Variants in SEPTIN11 observed in about 807,000 individuals in gnomAD.
SEPTIN11 encodes the protein septin 11.
A neutral mutation model predicts 51.4 loss-of-function variants in SEPTIN11; 25 were observed. That is an observed-to-expected ratio of 0.49 (90% CI 0.35 to 0.68). The LOEUF (loss-of-function observed/expected upper bound fraction) is 0.68. Among genes scored for constraint, SEPTIN11 ranks in the 30% least tolerant of loss-of-function variants. The pLI is 0.00. For missense variants in SEPTIN11, 381 were observed against 520.8 expected (o/e 0.73, Z 2.61); for synonymous variants, 174 against 184.1 (o/e 0.95, Z 0.44).
At chr4:76,988,912 A>G (rs555867716) in intron 1 of SEPTIN11, among the ~76,000 whole-genome samples, 5 of 152,380 alleles carry the variant, frequency 3.3e-5, no homozygotes, top group South Asian at 2.1e-4. Flanking sequence ...CATAACTGAT[A>G]GAAACTCCCT....
At chr4:77,020,768 T>C (rs1244999609) in intron 7 of SEPTIN11, 98 bp downstream of exon 7, 1 of 1,131,194 alleles carries the variant, frequency 8.8e-7, no homozygotes, top group African/African-American at 1.6e-5. Flanking sequence ...ATGGTGATGA[T>C]GGAAGGATCT....
Position 77,035,114 on chromosome 4 carries a change from C to G in SEPTIN11, c.*602C>G. On this transcript the variant is annotated 3_prime_UTR_variant, in exon 10 of 10. Coordinates refer to ENST00000264893, the MANE Select transcript of SEPTIN11 (RefSeq NM_018243.4). ...GCCTGAGCTTGTGGGTCTGTTCAGA[C>G]TGTCTCCTCTCATGGTTTGAAACTG... 1.0e-6 allele frequency: 1 copy of G among 985,488 alleles called. No individual in the cohort carries two copies. The highest frequency in any genetic ancestry group is 1.2e-6 in the Non-Finnish European group (1 of 829,954). The allele number at this position is 985,488 out of a possible 1,614,324, so 61.0% of individuals were successfully genotyped here.
At chr4:77,010,187 G>A (rs1724763729) in intron 3 of SEPTIN11, among the ~76,000 whole-genome samples, 1 of 152,180 alleles carries the variant, frequency 6.6e-6, no homozygotes, top group South Asian at 2.1e-4. Context: ...TGATTTACCT[G>A]TGAGGAAATT....
chr4:76,990,977 C>T (rs1460672318), intron 1 of SEPTIN11, among the ~76,000 whole-genome samples: 2 of 152,220 alleles, frequency 1.3e-5, no homozygotes, highest in Admixed American at 6.5e-5. Flanking sequence ...GGATTTTCTT[C>T]AGGCTAGAAT....
intron 3 of SEPTIN11, among the ~76,000 whole-genome samples, chr4:77,006,848 A>G (rs1724509736): frequency 6.6e-6 from 1 of 152,246 alleles, no homozygotes; most frequent in Non-Finnish European, 1.5e-5. Context: ...TGATATAAGT[A>G]TGAGCACCAC....
chr4:76,951,951 G>C (rs1721368496), intron 1 of SEPTIN11, among the ~76,000 whole-genome samples: 1 of 152,152 alleles, frequency 6.6e-6, no homozygotes, highest in Non-Finnish European at 1.5e-5. Flanking sequence ...TGCGCACTCT[G>C]TTGTCACTGG....
At chr4:77,011,193 G>A (rs2109955427) in intron 3 of SEPTIN11, among the ~76,000 whole-genome samples, 1 of 152,290 alleles carries the variant, frequency 6.6e-6, no homozygotes, top group African/African-American at 2.4e-5. Flanking sequence ...CCAGGGAATA[G>A]CTCGCAGTAG....
intron 1 of SEPTIN11, among the ~76,000 whole-genome samples, chr4:76,992,755 A>C (rs1441275944): frequency 6.6e-6 from 1 of 152,226 alleles, no homozygotes; most frequent in African/African-American, 2.4e-5. Context: ...AATAAAGACA[A>C]TGATGGAGGT....
chr4:77,033,424 T>G (rs1010960985), intron 9 of SEPTIN11, among the ~76,000 whole-genome samples: 3 of 152,218 alleles, frequency 2.0e-5, no homozygotes, highest in African/African-American at 7.2e-5. Context: ...TAGTTTTAAA[T>G]TCTCTTTTTT....
chr4:77,020,461 A>G (rs370638739), intron 6 of SEPTIN11, 41 bp from the exon 7 acceptor site: 4 of 1,602,754 alleles, frequency 2.5e-6, no homozygotes, highest in Non-Finnish European at 3.4e-6. Context: ...CAGTGACATC[A>G]TTGCTAATCC....
chr4:77,028,528 T>TTTA, intron 7 of SEPTIN11, 101 bp from the exon 8 acceptor site: 1 of 1,290,944 alleles, frequency 7.7e-7, no homozygotes, highest in Middle Eastern at 2.3e-4. Flanking sequence ...AAGCAGCAGC[T>TTTA]TTATCTATGT....
In SEPTIN11 at chr4:77,019,148, G is replaced by C. The variant is rs1253454488; in HGVS notation, c.688-17G>C. 1.2e-6 allele frequency: 2 copies of C among 1,608,198 alleles called. No individual in the cohort carries two copies. The highest frequency in any genetic ancestry group is 1.7e-6 in the Non-Finnish European group (2 of 1,177,096). ...GAGCAGGGGAAAGTAACTATTCTCT[G>C]TCCTTTTGCTTGGCAGGTCCATCTC... On this transcript the variant is annotated splice_polypyrimidine_tract_variant and intron_variant, in intron 5 of 9. Transcript: ENST00000264893.
intron 1 of SEPTIN11, among the ~76,000 whole-genome samples, chr4:76,952,020 C>T (rs186608227): frequency 6.6e-6 from 1 of 152,228 alleles, no homozygotes; most frequent in East Asian, 1.9e-4. Context: ...ACCTAATGTA[C>T]GAGTGATTAG....
chr4:76,989,887 G>A (rs764806508), intron 1 of SEPTIN11, among the ~76,000 whole-genome samples: 1 of 152,182 alleles, frequency 6.6e-6, no homozygotes, highest in Non-Finnish European at 1.5e-5. Context: ...TCTGGAGTTT[G>A]TTCCTGCCGG....
intron 1 of SEPTIN11, among the ~76,000 whole-genome samples, chr4:76,990,979 G>T (rs2279712): frequency 0.52 from 79,529 of 152,044 alleles, 21,689 homozygotes; most frequent in Middle Eastern, 0.62. Context: ...ATTTTCTTCA[G>T]GCTAGAATCA....
At chr4:77,004,482 A>G (rs1253380629) in intron 2 of SEPTIN11, among the ~76,000 whole-genome samples, 1 of 152,168 alleles carries the variant, frequency 6.6e-6, no homozygotes, top group Non-Finnish European at 1.5e-5. Flanking sequence ...TGTAATAGTA[A>G]AATCAGGCTG....
At chr4:77,015,725 G>A (rs74740014) in intron 5 of SEPTIN11, among the ~76,000 whole-genome samples, 3,756 of 152,300 alleles carry the variant, frequency 0.025, 75 homozygotes, top group East Asian at 0.1. Flanking sequence ...TGGAGGCCCA[G>A]TGATGGTTGT....
At chr4:77,030,125 G>A (rs573092076) in intron 8 of SEPTIN11, among the ~76,000 whole-genome samples, 2 of 152,136 alleles carry the variant, frequency 1.3e-5, no homozygotes, top group South Asian at 2.1e-4. Context: ...GTGTGGTGGC[G>A]CATGCCCATA....
chr4:77,019,751 G>C (rs114150703), intron 6 of SEPTIN11, among the ~76,000 whole-genome samples: 1 of 152,266 alleles, frequency 6.6e-6, no homozygotes, highest in African/African-American at 2.4e-5. Flanking sequence ...CTGAAAGCTT[G>C]TCACGTGTGT....
Sources: gnomAD v4.1 joint callset for allele counts (sites outside exome capture counted in the v4.1 genomes callset) on GRCh38, gnomAD v4.1.1 for gene constraint, MANE v1.5 for transcripts, NCBI Gene and HGNC (gene_info 2026-07-23, HGNC 2026-07-21) for gene names.